The following HACL1 variants were observed in gnomAD, a reference collection of about 807,000 sequenced individuals.
The protein encoded by HACL1 is 2-hydroxyacyl-CoA lyase 1.
In HACL1, 64 loss-of-function variants were observed where a neutral mutation model predicts 74.2. That is an observed-to-expected ratio of 0.86 (90% CI 0.70 to 1.06). The LOEUF (loss-of-function observed/expected upper bound fraction) is 1.06, where lower values mean the gene tolerates loss of function less well. Ranked by LOEUF, HACL1 falls within the 50% of genes least tolerant of loss-of-function variation. The pLI is 0.00. For synonymous variants in HACL1, 230 were observed against 238.8 expected (o/e 0.96, Z 0.34); for missense variants, 728 against 719.7 (o/e 1.01, Z -0.13).
intron 13 of HACL1, 77 bp from the exon 14 acceptor site, chr3:15,568,079 A>G: frequency 1.7e-6 from 2 of 1,178,196 alleles, no homozygotes; most frequent in South Asian, 2.6e-5. Context: ...CCTTCTAGTC[A>G]TATTTACATG....
At chr3:15,583,815 G>A (rs2063750420) in intron 7 of HACL1, among the ~76,000 whole-genome samples, 1 of 151,872 alleles carries the variant, frequency 6.6e-6, no homozygotes, top group South Asian at 2.1e-4. Context: ...ATGCCACCAA[G>A]CCTGGCTAAT....
chr3:15,597,386 G>T (rs1029387680), intron 2 of HACL1, among the ~76,000 whole-genome samples: 7 of 151,758 alleles, frequency 4.6e-5, no homozygotes, highest in African/African-American at 1.7e-4. Context: ...TTTTTACCTT[G>T]TAACTCTACT....
intron 12 of HACL1, among the ~76,000 whole-genome samples, chr3:15,571,176 C>T (rs1353267134): frequency 1.3e-5 from 2 of 151,598 alleles, no homozygotes; most frequent in Non-Finnish European, 2.9e-5. Context: ...CAAGGTCTTG[C>T]TATGCCCAGG....
intron 9 of HACL1, among the ~76,000 whole-genome samples, chr3:15,576,106 A>T (rs1339894278): frequency 1.3e-5 from 1 of 74,364 alleles, no homozygotes; most frequent in Non-Finnish European, 2.6e-5. Context: ...CACTGAGCCG[A>T]GATCACACCA....
At chr3:15,575,231 C>A (rs924785633) in intron 9 of HACL1, 149 bp from the exon 10 acceptor site, 15 of 490,702 alleles carry the variant, frequency 3.1e-5, no homozygotes, top group Non-Finnish European at 5.6e-5. Context: ...ATCTTTCAAG[C>A]TAAAATAATT....
intron 2 of HACL1, among the ~76,000 whole-genome samples, chr3:15,599,515 A>T (rs1186755687): frequency 6.6e-6 from 1 of 152,134 alleles, no homozygotes; most frequent in Non-Finnish European, 1.5e-5. Flanking sequence ...ACTGTTAAAA[A>T]AAAAAAAAAA....
chr3:15,578,140 AAAAC>A (rs1254471535), intron 9 of HACL1, among the ~76,000 whole-genome samples: 1 of 151,670 alleles, frequency 6.6e-6, no homozygotes, highest in African/African-American at 2.4e-5. Flanking sequence ...AAAGCAATAT[AAAAC>A]AATGTTAATA....
intron 16 of HACL1, among the ~76,000 whole-genome samples, chr3:15,561,423 T>C (rs1414463596): frequency 6.6e-6 from 1 of 152,110 alleles, no homozygotes; most frequent in Non-Finnish European, 1.5e-5. Context: ...AAGTATAATG[T>C]ATGTAAATTC....
chr3:15,595,343 A>G (rs1020799392), intron 3 of HACL1, among the ~76,000 whole-genome samples: 2 of 152,180 alleles, frequency 1.3e-5, no homozygotes, highest in Admixed American at 1.3e-4. Context: ...CAAGTTCCTT[A>G]TCACAGAAAA....
intron 4 of HACL1, among the ~76,000 whole-genome samples, chr3:15,590,206 T>C (rs373594461): frequency 9.2e-5 from 14 of 152,116 alleles, no homozygotes; most frequent in Non-Finnish European, 1.5e-4. Flanking sequence ...TGACATAAAA[T>C]AAATTTTTAT....
chr3:15,597,147 C>G (rs796946037), intron 2 of HACL1, among the ~76,000 whole-genome samples: 13 of 152,094 alleles, frequency 8.5e-5, no homozygotes, highest in African/African-American at 3.1e-4. Flanking sequence ...AATCTGTTTT[C>G]TCTTTTATTC....
chr3:15,567,233 TG>T (rs1207090775), intron 14 of HACL1, among the ~76,000 whole-genome samples: 2 of 123,682 alleles, frequency 1.6e-5, no homozygotes, highest in Non-Finnish European at 3.4e-5. Context: ...TTTTTTGAGA[TG>T]GAGTCTCGCT....
intron 14 of HACL1, among the ~76,000 whole-genome samples, chr3:15,566,505 A>C (rs2063436136): frequency 6.6e-6 from 1 of 152,096 alleles, no homozygotes; most frequent in South Asian, 2.1e-4. Flanking sequence ...AAATACAAAA[A>C]ATTAGCTGGG....
chr3:15,598,370 C>A (rs2064111530), intron 2 of HACL1, among the ~76,000 whole-genome samples: 2 of 152,186 alleles, frequency 1.3e-5, no homozygotes, highest in Non-Finnish European at 2.9e-5. Flanking sequence ...TAAACTACCT[C>A]CATTCACAGG....
At position 15,599,463 on chromosome 3, in the gene HACL1, C is replaced by T. The variant is rs369589514; in HGVS notation, c.186+1627G>A. ...TTCTGAAGTACAAATCTAATTACAT[C>T]GCCCACCTGTTTAGAAAAACCTTTA... is the stretch of plus-strand genomic sequence containing the variant. On this transcript the variant is annotated intron_variant, in intron 2 of 16. Coordinates refer to ENST00000321169, the MANE Select transcript of HACL1 (RefSeq NM_012260.4). 1.4e-3 allele frequency among the ~76,000 whole-genome samples: 214 copies of T among 152,070 alleles called. No individual in the cohort carries two copies. In the South Asian group the frequency reaches 0.018, roughly 13 times the overall value.
In HACL1 at chr3:15,601,448, A is replaced by C. The variant is rs769012677; in HGVS notation, c.16T>G (p.Phe6Val). The C allele has an allele frequency of 6.2e-7, 1 of 1,613,448 alleles. No homozygotes were observed. The highest frequency in any genetic ancestry group is 1.3e-5 in the African/African-American group (1 of 74,928). Residue 6 changes from phenylalanine (F) to valine (V), a missense_variant, in exon 1 of 17, where the codon TTC (phenylalanine) becomes GTC (valine). Phe to Val is a conservative substitution (Grantham distance 50, BLOSUM62 -1). Transcript: ENST00000321169. MPDSN[F>V]AERSEEQVSG... ...ACCTGCTCCTCGCTGCGCTCTGCGA[A>C]GTTACTGTCCGGCATCTTCCACCGA...
chr3:15,569,628 C>T (rs2125234522), intron 12 of HACL1, among the ~76,000 whole-genome samples: 1 of 152,098 alleles, frequency 6.6e-6, no homozygotes, highest in African/African-American at 2.4e-5. Flanking sequence ...TCGAGACCAG[C>T]CTGACCAACA....
chr3:15,598,609 T>C (rs2064119407), intron 2 of HACL1, among the ~76,000 whole-genome samples: 2 of 152,210 alleles, frequency 1.3e-5, no homozygotes, highest in South Asian at 2.1e-4. Flanking sequence ...TCAAGAACAA[T>C]GAACTTGCTG....
At chr3:15,584,004 T>A (rs988199650) in intron 7 of HACL1, among the ~76,000 whole-genome samples, 24 of 152,316 alleles carry the variant, frequency 1.6e-4, no homozygotes, top group African/African-American at 4.8e-4. Flanking sequence ...TATCATAATA[T>A]GCATTAGTAA....
Sources: gnomAD v4.1 joint callset for allele counts (sites outside exome capture counted in the v4.1 genomes callset) on GRCh38, gnomAD v4.1.1 for gene constraint, MANE v1.5 for transcripts, NCBI Gene and HGNC (gene_info 2026-07-23, HGNC 2026-07-21) for gene names.